The following FBH1 variants were observed in gnomAD, a reference collection of about 807,000 sequenced individuals.
FBH1 encodes F-box DNA helicase 1, also known as DNA 3'-5' helicase 1.
In FBH1, 43 loss-of-function variants were observed where a neutral mutation model predicts 115.5. That is an observed-to-expected ratio of 0.37 (90% CI 0.29 to 0.48). FBH1 has a LOEUF of 0.48. Among genes scored for constraint, FBH1 ranks in the 20% least tolerant of loss-of-function variants. The pLI is 0.99. For synonymous variants in FBH1, 524 were observed against 507.8 expected, an observed-to-expected ratio of 1.03 and a Z score of -0.43; for missense variants, 1,001 against 1,337.3, an observed-to-expected ratio of 0.75 and a Z score of 3.92.
rs575491340 is a variant in FBH1 at position 5,895,891 on chromosome 10, G to A, written c.1+5545G>A. Among the ~76,000 whole-genome samples, 2 of 152,172 alleles carry A rather than the reference G, an allele frequency of 1.3e-5. No homozygotes were observed. The highest frequency in any genetic ancestry group is 2.9e-5 in the Non-Finnish European group (2 of 68,042). On this transcript the variant is annotated intron_variant, in intron 1 of 20. Coordinates refer to ENST00000362091, the MANE Select transcript of FBH1 (RefSeq NM_178150.3). This position sits in a 1 kb window ranked among gnomAD's most constrained non-coding sequence, Gnocchi z 5.0. ...TAAGGCGACATCCACCTGCACGCAG[G>A]ACTGGGAAGTATAGCCCAGCTGTGT...
At position 5,914,094 on chromosome 10, in the gene FBH1, T is replaced by G. The variant is rs1831777512; in HGVS notation, c.1305-84T>G. On this transcript the variant is annotated intron_variant, in intron 7 of 20. Transcript: ENST00000362091. The surrounding 1 kb of genome is among the most constrained non-coding windows in gnomAD (Gnocchi z 5.2). ...TTGGTCAGCTTTTGTTTATCCAGTT[T>G]GTATGTTTGGTTTTTGGACTGTCTA... 7 of 1,311,006 alleles carry G rather than the reference T, an allele frequency of 5.3e-6. No individual in the cohort carries two copies. In the Middle Eastern group the frequency reaches 5.6e-4, roughly 104 times the overall value. 81.2% of individuals were successfully genotyped at this position (1,311,006 alleles called of 1,614,324 possible).
chr10:5,929,409 T>C (rs573003458), intron 19 of FBH1: 2 of 152,358 alleles, frequency 1.3e-5, no homozygotes, highest in Admixed American at 1.3e-4. Flanking sequence ...GCCATAGGAA[T>C]GTTTCCAGAA....
intron 20 of FBH1, 45 bp from the exon 21 acceptor site, chr10:5,937,065 T>C: frequency 6.5e-7 from 1 of 1,529,002 alleles, no homozygotes; most frequent in South Asian, 1.3e-5. Flanking sequence ...AAATCCATGT[T>C]CTTTGGTTGT....
intron 15 of FBH1, among the ~76,000 whole-genome samples, chr10:5,922,817 A>G (rs1026093876): frequency 6.6e-5 from 10 of 152,222 alleles, no homozygotes; most frequent in African/African-American, 2.2e-4. Context: ...TAAACAGGGC[A>G]CAGTCAGGCT....
chr10:5,892,836 G>T (rs1842809494), intron 1 of FBH1, among the ~76,000 whole-genome samples: 1 of 152,332 alleles, frequency 6.6e-6, no homozygotes, highest in South Asian at 2.1e-4. Flanking sequence ...ACAAAGCCAT[G>T]TTCTTATGCA....
chr10:5,895,338 T>G lies in FBH1; in HGVS notation c.1+4992T>G, dbSNP rs537683691. 1.9e-5 allele frequency: 13 copies of G among 684,434 alleles called. No homozygotes were observed. The African/African-American group carries it at 2.2e-4, about 12-fold the overall frequency. 42.4% of individuals were successfully genotyped at this position (684,434 alleles called of 1,614,324 possible). A position where few individuals can be genotyped will look rare whatever the true frequency, so the allele number is the denominator to read the frequency against. On this transcript the variant is annotated intron_variant, in intron 1 of 20. Coordinates refer to ENST00000362091, the MANE Select transcript of FBH1 (RefSeq NM_178150.3). This position sits in a 1 kb window ranked among gnomAD's most constrained non-coding sequence, Gnocchi z 5.0. ...GGTACCTTGTACTAGCGAGTCAACT[T>G]GATTTTTTTTTGAAAAAGCAATTAT...
At position 5,914,685 on chromosome 10, in the gene FBH1, T is replaced by C. The variant is rs1831817727; in HGVS notation, c.1396+416T>C. Among the ~76,000 whole-genome samples, 1 of 152,202 alleles carries C rather than the reference T, an allele frequency of 6.6e-6. No homozygotes were observed. The highest frequency in any genetic ancestry group is 6.5e-5 in the Admixed American group (1 of 15,286). ...GGCTTTTAACTTACATTCATAAATA[T>C]ATTATCTACAAGTGTCCTGCCTCAG... On this transcript the variant is annotated intron_variant, in intron 8 of 20. Coordinates refer to ENST00000362091, the MANE Select transcript of FBH1 (RefSeq NM_178150.3). The surrounding 1 kb of genome is among the most constrained non-coding windows in gnomAD (Gnocchi z 5.2).
intron 18 of FBH1, among the ~76,000 whole-genome samples, chr10:5,926,083 G>A: frequency 6.9e-6 from 1 of 145,678 alleles, no homozygotes; most frequent in South Asian, 2.4e-4. Flanking sequence ...CTGCTTTCTT[G>A]TTGTTGTTGT....
At position 5,906,494 on chromosome 10, in the gene FBH1, C is replaced by T; in HGVS notation, c.615C>T (p.Cys205=). 7 of 1,614,096 alleles carry T rather than the reference C, an allele frequency of 4.3e-6. No individual in the cohort carries two copies. The highest frequency in any genetic ancestry group is 5.9e-6 in the Non-Finnish European group (7 of 1,180,000). Residue 205 remains cysteine, a synonymous_variant, in exon 3 of 21, where the codon TGC becomes TGT. Coordinates refer to ENST00000362091, the MANE Select transcript of FBH1 (RefSeq NM_178150.3). The surrounding 1 kb of genome is among the most constrained non-coding windows in gnomAD (Gnocchi z 7.3). Reference sequence around the variant, plus strand: ...ATGGGCTTCTTGGGACCTTGCCCTGCCAGGAAGCACTGAGCCACATTTGCA... The same window carrying T: ...ATGGGCTTCTTGGGACCTTGCCCTGTCAGGAAGCACTGAGCCACATTTGCA... The part of the protein sequence containing the change: ...SYYGLLGTLP[C]QEALSHICSL...
Position 5,933,201 on chromosome 10 carries a change from A to G in FBH1, c.2830-3255A>G, listed in dbSNP as rs1833065744. On this transcript the variant is annotated intron_variant, in intron 19 of 20. Coordinates refer to ENST00000362091, the MANE Select transcript of FBH1 (RefSeq NM_178150.3). This position sits in a 1 kb window ranked among gnomAD's most constrained non-coding sequence, Gnocchi z 4.9. ...TCAGGAGTTCAAGACCAGCCTGGCT[A>G]ACATGGTGAAACCCTGTCTCTACTA... 6.6e-6 allele frequency among the ~76,000 whole-genome samples: 1 copy of G among 152,126 alleles called. No individual in the cohort carries two copies. Among genetic ancestry groups the G allele is most frequent in the African/African-American group, 2.4e-5 (1 of 41,444 alleles).
chr10:5,915,662 C>A lies in FBH1; in HGVS notation c.1565+91C>A. On this transcript the variant is annotated intron_variant, in intron 9 of 20. Coordinates refer to ENST00000362091, the MANE Select transcript of FBH1 (RefSeq NM_178150.3). The surrounding 1 kb of genome is among the most constrained non-coding windows in gnomAD (Gnocchi z 5.2). ...GACGATCACATGTGAGCTTACACCACAGTGACCCCGAGGAGTGTAGTGCTG... is the reference window on the plus strand; with the variant it reads ...GACGATCACATGTGAGCTTACACCAAAGTGACCCCGAGGAGTGTAGTGCTG... 8.2e-7 allele frequency: 1 copy of A among 1,213,602 alleles called. No individual in the cohort carries two copies. The highest frequency in any genetic ancestry group is 1.9e-5 in the Admixed American group (1 of 52,282). 75.2% of individuals were successfully genotyped at this position (1,213,602 alleles called of 1,614,324 possible).
Position 5,921,264 on chromosome 10 carries a change from C to A in FBH1, c.2107C>A (p.Arg703=). The A allele has an allele frequency of 1.2e-6, 2 of 1,613,918 alleles. No individual in the cohort carries two copies. The highest frequency in any genetic ancestry group is 1.7e-6 in the Non-Finnish European group (2 of 1,179,948). ...THVFYLTQSF[R]FGVEIAYVGA... Reference sequence around the variant, plus strand: ...TCTGTCTTGTTGTTTTCAGAGTTTTCGGTTTGGTGTGGAAATAGCTTATGT... The same window carrying A: ...TCTGTCTTGTTGTTTTCAGAGTTTTAGGTTTGGTGTGGAAATAGCTTATGT... The change falls in exon 14 of 21, where the codon CGG becomes AGG. Residue 703 remains arginine, a synonymous_variant. Transcript: ENST00000362091. The surrounding 1 kb of genome is among the most constrained non-coding windows in gnomAD (Gnocchi z 6.4).
intron 13 of FBH1, among the ~76,000 whole-genome samples, chr10:5,920,701 C>A (rs1450914437): frequency 6.6e-6 from 1 of 152,174 alleles, no homozygotes; most frequent in African/African-American, 2.4e-5. Flanking sequence ...GTTGTGTGTG[C>A]ATGGAAAAAG....
At chr10:5,891,238 G>C (rs1842705105) in intron 1 of FBH1, 2 of 941,962 alleles carry the variant, frequency 2.1e-6, no homozygotes, top group Admixed American at 6.2e-5. Flanking sequence ...ATGAAGATAA[G>C]TCCGTTTTAC....
rs1031720343 is a variant in FBH1 at position 5,932,237 on chromosome 10, T to C, written c.2830-4219T>C. 1.3e-5 allele frequency among the ~76,000 whole-genome samples: 2 copies of C among 152,244 alleles called. No individual in the cohort carries two copies. Among genetic ancestry groups the C allele is most frequent in the African/African-American group, 4.8e-5 (2 of 41,460 alleles). On this transcript the variant is annotated intron_variant, in intron 19 of 20. Coordinates refer to ENST00000362091, the MANE Select transcript of FBH1 (RefSeq NM_178150.3). This position sits in a 1 kb window ranked among gnomAD's most constrained non-coding sequence, Gnocchi z 5.9. ...TCTCTGCCTCCACCATTGGTAGTTA[T>C]TTTAAACAATTAGCGATTAATCCTT...
rs945403074 is a variant in FBH1, at chr10:5,897,906, C to G, written c.2-5114C>G. Among the ~76,000 whole-genome samples, 1 of 150,578 alleles carries G rather than the reference C, an allele frequency of 6.6e-6. No individual in the cohort carries two copies. The highest frequency in any genetic ancestry group is 6.7e-5 in the Admixed American group (1 of 15,016). On this transcript the variant is annotated intron_variant, in intron 1 of 20. Coordinates refer to ENST00000362091, the MANE Select transcript of FBH1 (RefSeq NM_178150.3). This position sits in a 1 kb window ranked among gnomAD's most constrained non-coding sequence, Gnocchi z 4.7. ...CTGAGATAAATACATAAATAAAAAT[C>G]TATCCTGTTCATATTACCTTTTCCA...
intron 18 of FBH1, among the ~76,000 whole-genome samples, chr10:5,926,129 T>A (rs935973506): frequency 3.3e-5 from 5 of 151,898 alleles, no homozygotes; most frequent in Non-Finnish European, 7.4e-5. Context: ...CTTATTATTA[T>A]TATTATTTTG....
rs1831738433 is a variant in FBH1, at chr10:5,913,507, T to C, written c.1212-240T>C. 6.6e-6 allele frequency among the ~76,000 whole-genome samples: 1 copy of C among 152,192 alleles called. No individual in the cohort carries two copies. The highest frequency in any genetic ancestry group is 1.5e-5 in the Non-Finnish European group (1 of 68,030). On this transcript the variant is annotated intron_variant, in intron 6 of 20. Coordinates refer to ENST00000362091, the MANE Select transcript of FBH1 (RefSeq NM_178150.3). The surrounding 1 kb of genome is among the most constrained non-coding windows in gnomAD (Gnocchi z 4.4). ...CCCTCATTCCCTGAAGAGCCCGTCCTGGTCTCTTCCTCCTCTTGGAGATAT... is the reference window on the plus strand; with the variant it reads ...CCCTCATTCCCTGAAGAGCCCGTCCCGGTCTCTTCCTCCTCTTGGAGATAT...
In FBH1 at chr10:5,932,026, AGCCCCAGCTACTTAGGAG is replaced by A. The variant is rs1414227814; in HGVS notation, c.2830-4427_2830-4410del. Among the ~76,000 whole-genome samples the A allele has an allele frequency of 2.0e-4, 30 of 152,356 alleles. No individual in the cohort carries two copies. Among genetic ancestry groups the A allele is most frequent in the African/African-American group, 7.2e-4 (30 of 41,570 alleles). On this transcript the variant is annotated intron_variant, in intron 19 of 20. Transcript: ENST00000362091. This position sits in a 1 kb window ranked among gnomAD's most constrained non-coding sequence, Gnocchi z 5.9. ...GCTAGTCATGGTGGTGCATACCTGTAGCCCCAGCTACTTAGGAGGCTGAGGTGGGAGAATCGCGTGAAC... is the reference window on the plus strand; with the variant it reads ...GCTAGTCATGGTGGTGCATACCTGTAGCTGAGGTGGGAGAATCGCGTGAAC...
Sources: gnomAD v4.1 joint callset for allele counts (sites outside exome capture counted in the v4.1 genomes callset) on GRCh38, gnomAD v4.1.1 for gene constraint, Gnocchi (gnomAD v3.1) non-coding constraint, MANE v1.5 for transcripts, NCBI Gene and HGNC (gene_info 2026-07-23, HGNC 2026-07-21) for gene names.